Variants in SYNE2 observed in about 807,000 individuals in gnomAD.
SYNE2 encodes the protein spectrin repeat containing nuclear envelope protein 2, also known as nesprin-2.
A neutral mutation model predicts 856.3 loss-of-function variants in SYNE2; 431 were observed. The observed-to-expected ratio is 0.50, with a 90% CI of 0.47 to 0.55. The LOEUF (loss-of-function observed/expected upper bound fraction) is 0.55, where lower values mean the gene tolerates loss of function less well. Among genes scored for constraint, SYNE2 ranks in the 20% least tolerant of loss-of-function variants. The pLI is 0.00. For missense variants in SYNE2, 8,129 were observed against 8,023.2 expected, an observed-to-expected ratio of 1.01 and a Z score of -0.50; for synonymous variants, 2,923 against 2,872.3, an observed-to-expected ratio of 1.02 and a Z score of -0.56.
At chr14:64,186,914 G>C (rs1461406419) in intron 97 of SYNE2, among the ~76,000 whole-genome samples, 3 of 152,218 alleles carry the variant, frequency 2.0e-5, no homozygotes, top group Admixed American at 2.0e-4. Flanking sequence ...ATCAGAAGCT[G>C]GACCCAGTGA....
intron 77 of SYNE2, 144 bp from the exon 78 acceptor site, chr14:64,133,925 G>A (rs548388332): frequency 1.1e-6 from 1 of 881,214 alleles, no homozygotes; most frequent in South Asian, 1.5e-5. Context: ...CCAGGGTGGG[G>A]TTACGTCTCT....
chr14:64,093,759 C>T (rs2097650646), intron 61 of SYNE2, among the ~76,000 whole-genome samples: 1 of 152,146 alleles, frequency 6.6e-6, no homozygotes, highest in Admixed American at 6.5e-5. Context: ...CAGTCCTAAT[C>T]CCAGAAACTG....
chr14:64,217,293 A>G (rs2098671103), intron 108 of SYNE2, among the ~76,000 whole-genome samples: 1 of 149,764 alleles, frequency 6.7e-6, no homozygotes. Context: ...GGTCGTGATT[A>G]TTATTCCTGT....
At chr14:64,039,773 A>C (rs1208187865) in intron 45 of SYNE2, among the ~76,000 whole-genome samples, 2 of 152,158 alleles carry the variant, frequency 1.3e-5, no homozygotes, top group Non-Finnish European at 2.9e-5. Flanking sequence ...GGGAAATTTT[A>C]GGAGCATGGG....
intron 1 of SYNE2, among the ~76,000 whole-genome samples, chr14:63,785,257 G>A (rs1319632938): frequency 6.6e-6 from 1 of 151,850 alleles, no homozygotes; most frequent in Non-Finnish European, 1.5e-5. Context: ...TCAGGAGTTC[G>A]AGACCAGCCT....
chr14:63,906,944 G>T (rs1304737762), intron 1 of SYNE2, among the ~76,000 whole-genome samples: 1 of 152,148 alleles, frequency 6.6e-6, no homozygotes, highest in East Asian at 1.9e-4. Flanking sequence ...AACGGGTAAG[G>T]AGTCTCTCTT....
At chr14:64,009,181 C>T (rs543612581) in intron 31 of SYNE2, among the ~76,000 whole-genome samples, 1 of 152,156 alleles carries the variant, frequency 6.6e-6, no homozygotes, top group Admixed American at 6.5e-5. Flanking sequence ...TCCTAACTGC[C>T]ACATTGTCTC....
intron 84 of SYNE2, among the ~76,000 whole-genome samples, chr14:64,149,887 G>A (rs1176232486): frequency 2.6e-5 from 4 of 151,908 alleles, no homozygotes; most frequent in Non-Finnish European, 5.9e-5. Flanking sequence ...AGTGAAGCAA[G>A]GTCAGATGAC....
chr14:63,923,219 A>G (rs1273950001), intron 2 of SYNE2, among the ~76,000 whole-genome samples: 1 of 152,202 alleles, frequency 6.6e-6, no homozygotes, highest in Admixed American at 6.5e-5. Context: ...TTGTGGGCTT[A>G]TTTTCATGTG....
intron 1 of SYNE2, among the ~76,000 whole-genome samples, chr14:63,898,216 G>GTC (rs140936456): frequency 0.015 from 2,208 of 152,116 alleles, 48 homozygotes; most frequent in African/African-American, 0.05. Flanking sequence ...CTTCCCCACA[G>GTC]CTTGCACCCC....
rs113948227 is a variant in SYNE2, at chr14:63,801,064, A to G, written c.-305+39078A>G. Among the ~76,000 whole-genome samples the G allele has an allele frequency of 1.3e-3, 197 of 152,362 alleles. 2 individuals carry two copies. Among genetic ancestry groups the G allele is most frequent in the African/African-American group, 4.5e-3 (188 of 41,596 alleles). ...TTCTTTCCCTGTTGTATTTATTAAC[A>G]AAATAGAAATAAAAATCTCTTTAGA... On this transcript the variant is annotated intron_variant, in intron 1 of 23. Coordinates refer to the SYNE2 transcript ENST00000674003.
chr14:63,871,206 ATTT>A (rs754457622), intron 1 of SYNE2, among the ~76,000 whole-genome samples: 2 of 141,536 alleles, frequency 1.4e-5, no homozygotes, highest in African/African-American at 2.6e-5. Flanking sequence ...GGAGATTTGA[ATTT>A]TTTTTTTTTT....
chr14:64,116,451 G>T (rs765231361), intron 66 of SYNE2, among the ~76,000 whole-genome samples: 1 of 151,896 alleles, frequency 6.6e-6, no homozygotes, highest in Admixed American at 6.6e-5. Context: ...GTGAAGTCTC[G>T]CTCTCACCCA....
intron 19 of SYNE2, among the ~76,000 whole-genome samples, chr14:63,987,999 A>G (rs997559413): frequency 3.9e-5 from 6 of 152,240 alleles, no homozygotes; most frequent in Admixed American, 6.5e-5. Flanking sequence ...ATAGAAAAAT[A>G]TCTGTAAAGA....
intron 45 of SYNE2, among the ~76,000 whole-genome samples, chr14:64,044,072 C>T (rs1417014394): frequency 6.6e-6 from 1 of 152,222 alleles, no homozygotes; most frequent in Non-Finnish European, 1.5e-5. Flanking sequence ...TGACAGCTTG[C>T]ACTATTTGCC....
At position 64,197,786 on chromosome 14, in the gene SYNE2, G is replaced by A. The variant is rs910892720; in HGVS notation, c.18039-5015G>A. Among the ~76,000 whole-genome samples, 24 of 151,982 alleles carry A rather than the reference G, an allele frequency of 1.6e-4. No individual in the cohort carries two copies. The Admixed American group carries it at 1.6e-3, about 10-fold the overall frequency. ...AAGGCTTAGGCTTGGTATATAGAAT[G>A]TTGCTAACCTGACTTGATTTTGTTT... On this transcript the variant is annotated intron_variant, in intron 99 of 115. Coordinates refer to ENST00000555002, the MANE Select transcript of SYNE2 (RefSeq NM_182914.3).
rs1471308701 is a variant in SYNE2, at chr14:63,815,092, ACATATATATCCACACATATATC to A, written c.-304-37394_-304-37373del. The stretch of plus-strand genomic sequence containing the variant: ...CACATATATATATCCATATATATGC[ACATATATATCCACACATATATC>A]CATATATATCCACATATATATCCAT... On this transcript the variant is annotated intron_variant, in intron 1 of 23. Coordinates refer to the SYNE2 transcript ENST00000674003. 9.5e-3 allele frequency among the ~76,000 whole-genome samples: 1,170 copies of A among 122,984 alleles called. 103 individuals are homozygous for A. Among genetic ancestry groups the A allele is most frequent in the African/African-American group, 0.032 (1,116 of 34,694 alleles). The allele number at this position is 122,984 out of a possible 152,430, so 80.7% of individuals were successfully genotyped here.
At chr14:63,942,178 C>T (rs1566862538) in intron 6 of SYNE2, 35 bp downstream of exon 6, 1 of 1,247,534 alleles carries the variant, frequency 8.0e-7, no homozygotes, top group Admixed American at 1.7e-5. Context: ...TTATTTCTAC[C>T]CTACCACAGT....
intron 42 of SYNE2, 94 bp downstream of exon 42, chr14:64,026,824 T>C: frequency 2.8e-6 from 4 of 1,441,054 alleles, no homozygotes; most frequent in Non-Finnish European, 2.9e-6. Context: ...TTGGATATAA[T>C]ATCTGCTAGA....
Sources: allele counts gnomAD v4.1 joint callset (sites outside exome capture counted in the v4.1 genomes callset), GRCh38; gene constraint gnomAD v4.1.1; transcripts MANE v1.5; gene names NCBI Gene and HGNC (gene_info 2026-07-23, HGNC 2026-07-21).